Variants in KIF26A observed in about 807,000 individuals in gnomAD.
KIF26A encodes the protein kinesin-like protein KIF26A.
Under a neutral mutation model 126.0 loss-of-function variants are expected in KIF26A, and 74 were observed. The ratio of observed to expected loss-of-function variants is 0.59; its 90% CI spans 0.49 to 0.71. The LOEUF is 0.71. KIF26A is among the 30% of genes least tolerant of loss of function. KIF26A has a pLI of 0.00. For missense variants in KIF26A, 2,984 were observed against 2,763.3 expected (o/e 1.08, Z -1.79); for synonymous variants, 1,445 against 1,232.7 (o/e 1.17, Z -3.61).
At chr14:104,150,483 C>G (rs1171141787) in intron 2 of KIF26A, among the ~76,000 whole-genome samples, 5 of 152,030 alleles carry the variant, frequency 3.3e-5, no homozygotes, top group South Asian at 2.1e-4. Context: ...ATGATTGCCG[C>G]ACATGCTTGG....
Position 104,178,698 on chromosome 14 carries a change from C to T in KIF26A, c.5259C>T (p.Ile1753=), listed in dbSNP as rs535957728. 172 of 1,563,340 alleles carry T rather than the reference C, an allele frequency of 1.1e-4. No individual in the cohort carries two copies. Among genetic ancestry groups the T allele is most frequent in the East Asian group, 1.7e-4 (7 of 41,920 alleles). Residue 1753 remains isoleucine, a synonymous_variant, in exon 13 of 15, where the codon ATC becomes ATT. Coordinates refer to ENST00000423312, the MANE Select transcript of KIF26A (RefSeq NM_015656.2). ...CGTTCGAGATCAAGGTGTACGAGAT[C>T]GATGACGTGGAGCGCCTTCAGCGGC... The part of the protein sequence containing the change: ...KEPFEIKVYE[I]DDVERLQRPR...
chr14:104,162,738 CGAGCCAACACCCTCCA>C (rs575527159), intron 4 of KIF26A, among the ~76,000 whole-genome samples: 4,031 of 152,102 alleles, frequency 0.027, 62 homozygotes, highest in African/African-American at 0.041. Context: ...CACTTGAGGC[CGAGCCAACACCCTCCA>C]GTGAGGGCTG....
rs1405920823 is a variant in KIF26A, at chr14:104,148,558, G to A, written c.289-3457G>A. Among the ~76,000 whole-genome samples, 2 of 151,868 alleles carry A rather than the reference G, an allele frequency of 1.3e-5. No individual in the cohort carries two copies. The highest frequency in any genetic ancestry group is 6.6e-5 in the Admixed American group (1 of 15,256). The stretch of plus-strand genomic sequence containing the variant: ...TGAGCTGCCGGGATGGCTGGGAGAG[G>A]AGGCCTGGTCCCACTGCCCAGCCTG... On this transcript the variant is annotated intron_variant, in intron 2 of 14. Coordinates refer to ENST00000423312, the MANE Select transcript of KIF26A (RefSeq NM_015656.2). The surrounding 1 kb of genome is among the most constrained non-coding windows in gnomAD (Gnocchi z 4.3).
At chr14:104,140,105 A>G (rs1467891358) in intron 2 of KIF26A, among the ~76,000 whole-genome samples, 2 of 152,168 alleles carry the variant, frequency 1.3e-5, no homozygotes, top group Non-Finnish European at 2.9e-5. Flanking sequence ...CATAATCCCC[A>G]TTGAATCTAA....
intron 2 of KIF26A, among the ~76,000 whole-genome samples, 182 bp downstream of exon 2, chr14:104,139,470 C>T (rs1328974107): frequency 1.3e-5 from 2 of 152,234 alleles, no homozygotes; most frequent in Admixed American, 6.5e-5. Context: ...CATGTGTGAG[C>T]TAGGGAGCTC....
In KIF26A at chr14:104,176,131, A is replaced by T. The variant is rs1338138332; in HGVS notation, c.3343A>T (p.Ser1115Cys). 1 of 1,579,780 alleles carries T rather than the reference A, an allele frequency of 6.3e-7. No individual in the cohort carries two copies. The highest frequency in any genetic ancestry group is 8.6e-7 in the Non-Finnish European group (1 of 1,163,878). ...SHGSSISSWL[S>C]EVSVCTADSR... ...CGGCTCCTCCATCAGCTCCTGGCTC[A>T]GCGAGGTCAGCGTCTGCACTGCCGA... The change falls in exon 12 of 15, where the codon AGC (serine) becomes TGC (cysteine). Residue 1115 changes from serine to cysteine, a missense_variant. Coordinates refer to ENST00000423312, the MANE Select transcript of KIF26A (RefSeq NM_015656.2).
rs2037701286 is a variant in KIF26A at position 104,148,671 on chromosome 14, G to GGGGGA, written c.289-3334_289-3330dup. On this transcript the variant is annotated intron_variant, in intron 2 of 14. Transcript: ENST00000423312. The surrounding 1 kb of genome is among the most constrained non-coding windows in gnomAD (Gnocchi z 4.3). Reference sequence around the variant, plus strand: ...GGCTGTGCGTGGCCGGGGAGGGGGAGGGGGAGGGGAGGGGCAGGGCTGCAG... The same window carrying GGGGGA: ...GGCTGTGCGTGGCCGGGGAGGGGGAGGGGGAGGGGAGGGGAGGGGCAGGGCTGCAG... Among the ~76,000 whole-genome samples, 2 of 150,240 alleles carry GGGGGA rather than the reference G, an allele frequency of 1.3e-5. No homozygotes were observed. Among genetic ancestry groups the GGGGGA allele is most frequent in the Non-Finnish European group, 3.0e-5 (2 of 67,386 alleles).
At chr14:104,149,865 G>A (rs1219439598) in intron 2 of KIF26A, among the ~76,000 whole-genome samples, 3 of 152,210 alleles carry the variant, frequency 2.0e-5, no homozygotes, top group Non-Finnish European at 4.4e-5. Flanking sequence ...CTGGGGGCCG[G>A]GCTGCCTGTC....
rs777288747 is a variant in KIF26A, at chr14:104,175,629, A to G, written c.2841A>G (p.Pro947=). Residue 947 remains proline (P), a synonymous_variant, in exon 12 of 15, where the codon CCA becomes CCG. Coordinates refer to ENST00000423312, the MANE Select transcript of KIF26A (RefSeq NM_015656.2). ...CTGCAGTGAGTGGAGGCAGGAGGCCACTGCCCAGCCCGGCTCCCCCACCTC... is the reference window on the plus strand; with the variant it reads ...CTGCAGTGAGTGGAGGCAGGAGGCCGCTGCCCAGCCCGGCTCCCCCACCTC... ...EKAAVSGGRR[P]LPSPAPPPPQ... 1.2e-6 allele frequency: 2 copies of G among 1,610,974 alleles called. No homozygotes were observed. Among genetic ancestry groups the G allele is most frequent in the South Asian group, 2.2e-5 (2 of 91,006 alleles).
At chr14:104,149,633 G>C (rs1293848380) in intron 2 of KIF26A, among the ~76,000 whole-genome samples, 1 of 152,226 alleles carries the variant, frequency 6.6e-6, no homozygotes, top group Non-Finnish European at 1.5e-5. Context: ...GGCCACTTTG[G>C]CTTCCTGTCC....
In KIF26A at chr14:104,175,220, C is replaced by T. The variant is rs543403706; in HGVS notation, c.2432C>T (p.Pro811Leu). Reference protein sequence around the residue: ...SDRELTDNEGPPDFVPIIPAL... With the variant: ...SDRELTDNEGLPDFVPIIPAL... The stretch of plus-strand genomic sequence containing the variant: ...CGGGAGCTCACCGACAACGAAGGTC[C>T]GCCTGACTTCGTGCCCATCATCCCT... Residue 811 changes from proline to leucine, a missense_variant, in exon 12 of 15, where the codon CCG (proline) becomes CTG (leucine). Physicochemically the swap from Pro to Leu is moderately conservative, Grantham distance 98 (BLOSUM62 -3). Transcript: ENST00000423312. The T allele has an allele frequency of 3.4e-5, 55 of 1,609,470 alleles. No individual in the cohort carries two copies. The highest frequency in any genetic ancestry group is 4.4e-5 in the South Asian group (4 of 90,738).
intron 12 of KIF26A, among the ~76,000 whole-genome samples, chr14:104,178,104 C>T (rs959061150): frequency 6.6e-6 from 1 of 152,244 alleles, no homozygotes; most frequent in Non-Finnish European, 1.5e-5. Context: ...AGTTTATAAA[C>T]CCCCTGTACT....
At chr14:104,155,934 C>T (rs570564852) in intron 3 of KIF26A, among the ~76,000 whole-genome samples, 1 of 152,222 alleles carries the variant, frequency 6.6e-6, no homozygotes, top group South Asian at 2.1e-4. Context: ...GCCTCGGTGC[C>T]CCTGTCCAGT....
intron 4 of KIF26A, among the ~76,000 whole-genome samples, chr14:104,165,615 C>G (rs899629917): frequency 1.6e-4 from 22 of 135,282 alleles, no homozygotes; most frequent in Middle Eastern, 3.7e-3. Flanking sequence ...GTGTCTCTGT[C>G]TCTGTATGCA....
At chr14:104,159,023 G>A (rs185565418) in intron 4 of KIF26A, among the ~76,000 whole-genome samples, 14 of 152,322 alleles carry the variant, frequency 9.2e-5, no homozygotes, top group East Asian at 1.9e-4. Flanking sequence ...CCTGGGGACC[G>A]TGTGGTCTGA....
chr14:104,171,575 C>T (rs1446081160), intron 5 of KIF26A, 148 bp from the exon 6 acceptor site: 9 of 663,936 alleles, frequency 1.4e-5, no homozygotes, highest in Non-Finnish European at 2.1e-5. Context: ...TCGCCTGGAG[C>T]AGGGGCGCGG....
intron 10 of KIF26A, 119 bp downstream of exon 10, chr14:104,173,987 C>T: frequency 7.1e-7 from 1 of 1,413,674 alleles, no homozygotes; most frequent in South Asian, 1.4e-5. Flanking sequence ...TGCTCCTCCA[C>T]CACCTGACAG....
chr14:104,157,685 C>T, intron 3 of KIF26A, 70 bp from the exon 4 acceptor site: 4 of 1,503,828 alleles, frequency 2.7e-6, no homozygotes, highest in Non-Finnish European at 3.6e-6. Flanking sequence ...GTCTCTCCCA[C>T]TCCGGGTGCC....
rs1287080997 is a variant in KIF26A at position 104,175,698 on chromosome 14, A to C, written c.2910A>C (p.Gly970=). Residue 970 remains glycine, a synonymous_variant, in exon 12 of 15, where the codon GGA becomes GGC. Transcript: ENST00000423312. ...EACRAPEEPG[G]GGTDGVARTP... ...GCAGAGCCCCAGAAGAGCCTGGGGG[A>C]GGGGGCACTGATGGAGTGGCACGGA... 3.1e-6 allele frequency: 5 copies of C among 1,599,332 alleles called. No individual in the cohort carries two copies. In the South Asian group the frequency reaches 5.6e-5, roughly 18 times the overall value.
Sources: allele counts gnomAD v4.1 joint callset (sites outside exome capture counted in the v4.1 genomes callset), GRCh38; gene constraint gnomAD v4.1.1; non-coding constraint Gnocchi (gnomAD v3.1); transcripts MANE v1.5; gene names NCBI Gene and HGNC (gene_info 2026-07-23, HGNC 2026-07-21).